The following NPAS3 variants were observed in gnomAD, a reference collection of about 807,000 sequenced individuals.
The protein encoded by NPAS3 is neuronal PAS domain-containing protein 3.
In NPAS3, 14 loss-of-function variants were observed where a neutral mutation model predicts 73.1. The ratio of observed to expected loss-of-function variants is 0.19; its 90% CI spans 0.13 to 0.30. NPAS3 has a LOEUF of 0.30. NPAS3 is among the 10% of genes least tolerant of loss of function. The pLI, the probability that NPAS3 is intolerant of heterozygous loss-of-function variation, is 1.00. For missense variants in NPAS3, 1,096 were observed against 1,250.0 expected (o/e 0.88, Z 1.86); for synonymous variants, 620 against 541.5 (o/e 1.14, Z -2.01).
chr14:33,246,888 C>T (rs1376036547), intron 3 of NPAS3, among the ~76,000 whole-genome samples: 3 of 138,514 alleles, frequency 2.2e-5, no homozygotes, highest in African/African-American at 5.5e-5. Flanking sequence ...GTGGTGGGTG[C>T]CTGTAATCCC....
intron 6 of NPAS3, among the ~76,000 whole-genome samples, chr14:33,679,749 G>C (rs533797219): frequency 3.9e-5 from 6 of 152,180 alleles, no homozygotes; most frequent in Non-Finnish European, 8.8e-5. Context: ...CTAAGAGGCA[G>C]TGATACTATG....
intron 4 of NPAS3, among the ~76,000 whole-genome samples, chr14:33,411,532 G>A (rs1272541132): frequency 6.6e-6 from 1 of 152,092 alleles, no homozygotes; most frequent in African/African-American, 2.4e-5. Flanking sequence ...GGAATCTAGG[G>A]GATAGAAGCC....
intron 4 of NPAS3, among the ~76,000 whole-genome samples, chr14:33,410,886 T>G (rs2047892493): frequency 6.6e-6 from 1 of 152,170 alleles, no homozygotes; most frequent in African/African-American, 2.4e-5. Context: ...CCTCAGGTGA[T>G]CCACCCACCT....
At chr14:33,110,295 CA>C (rs756861116) in intron 2 of NPAS3, among the ~76,000 whole-genome samples, 11 of 152,086 alleles carry the variant, frequency 7.2e-5, no homozygotes, top group African/African-American at 9.7e-5. Context: ...ATTTAATATG[CA>C]ATGAGTAACC....
intron 4 of NPAS3, among the ~76,000 whole-genome samples, chr14:33,481,857 G>T (rs1594994113): frequency 6.6e-6 from 1 of 152,108 alleles, no homozygotes; most frequent in South Asian, 2.1e-4. Context: ...TGTTTGTTTT[G>T]TATCCCCATG....
chr14:33,524,745 G>C (rs902333566), intron 4 of NPAS3, among the ~76,000 whole-genome samples: 3 of 152,120 alleles, frequency 2.0e-5, no homozygotes, highest in African/African-American at 7.2e-5. Context: ...TGAGGGATGT[G>C]AGGGAGGCTC....
At chr14:33,247,974 A>G (rs1035478500) in intron 3 of NPAS3, among the ~76,000 whole-genome samples, 4 of 152,190 alleles carry the variant, frequency 2.6e-5, no homozygotes, top group Admixed American at 2.6e-4. Flanking sequence ...TTCTATTTTC[A>G]CGGTATAGTT....
intron 3 of NPAS3, among the ~76,000 whole-genome samples, chr14:33,348,187 A>G (rs1594746460): frequency 6.6e-6 from 1 of 152,170 alleles, no homozygotes; most frequent in East Asian, 1.9e-4. Flanking sequence ...CCCATATCCC[A>G]TGGTTGCTAA....
At chr14:33,398,804 T>C (rs2047329802) in intron 4 of NPAS3, among the ~76,000 whole-genome samples, 1 of 152,156 alleles carries the variant, frequency 6.6e-6, no homozygotes, top group South Asian at 2.1e-4. Flanking sequence ...TTTGAAGAGA[T>C]TAAGTTGGTT....
chr14:33,484,604 A>G (rs971543911), intron 4 of NPAS3, among the ~76,000 whole-genome samples: 3 of 152,224 alleles, frequency 2.0e-5, no homozygotes, highest in Non-Finnish European at 2.9e-5. Flanking sequence ...GATAAATAGT[A>G]CATGCTTAGA....
At chr14:33,080,776 G>A (rs2041840560) in intron 2 of NPAS3, among the ~76,000 whole-genome samples, 1 of 152,190 alleles carries the variant, frequency 6.6e-6, no homozygotes, top group Non-Finnish European at 1.5e-5. Flanking sequence ...AAGCGTGTAA[G>A]AGCTGAAAGA....
Position 33,407,659 on chromosome 14 carries a change from A to G in NPAS3, c.468+40391A>G, listed in dbSNP as rs138297596. Among the ~76,000 whole-genome samples, 900 of 152,104 alleles carry G rather than the reference A, an allele frequency of 5.9e-3. 4 individuals are homozygous for G. Among genetic ancestry groups the G allele is most frequent in the African/African-American group, 0.021 (857 of 41,504 alleles). ...AATTACTGCTTACTCCTTTCTTAGA[A>G]ATTTCGGTGCCTTTATTTTTCTCCG... On this transcript the variant is annotated intron_variant, in intron 4 of 11. Coordinates refer to ENST00000356141, the Ensembl canonical transcript of NPAS3.
chr14:33,552,625 G>T (rs577016899), intron 4 of NPAS3, among the ~76,000 whole-genome samples: 3 of 150,736 alleles, frequency 2.0e-5, no homozygotes, highest in Non-Finnish European at 4.4e-5. Flanking sequence ...GTCTATATTC[G>T]ACAGGATGTA....
chr14:33,373,928 T>C (rs2046206582), intron 4 of NPAS3, among the ~76,000 whole-genome samples: 1 of 152,142 alleles, frequency 6.6e-6, no homozygotes, highest in Admixed American at 6.5e-5. Flanking sequence ...GGTTGTATGA[T>C]TGCCTGGTCT....
chr14:33,207,521 C>A (rs1594395114), intron 2 of NPAS3, among the ~76,000 whole-genome samples: 1 of 152,124 alleles, frequency 6.6e-6, no homozygotes. Flanking sequence ...TCAGGACATT[C>A]ATTTATCCTC....
chr14:33,785,421 T>G lies in NPAS3; in HGVS notation c.1153+6849T>G, dbSNP rs186878215. ...CTGCACTCCAGCCTGGGTGACAGAG[T>G]GAGACTCCATCTCAAAAAAAAAAAA... On this transcript the variant is annotated intron_variant, in intron 9 of 11. Transcript: ENST00000356141. Among the ~76,000 whole-genome samples, 693 of 121,744 alleles carry G rather than the reference T, an allele frequency of 5.7e-3. 6 individuals carry two copies. Among genetic ancestry groups the G allele is most frequent in the African/African-American group, 0.021 (624 of 30,012 alleles). The allele number at this position is 121,744 out of a possible 152,430, so 79.9% of individuals were successfully genotyped here. A position where few individuals can be genotyped will look rare whatever the true frequency, so the allele number is the denominator to read the frequency against.
chr14:33,277,399 G>A (rs1156556271), intron 3 of NPAS3, among the ~76,000 whole-genome samples: 1 of 152,134 alleles, frequency 6.6e-6, no homozygotes, highest in African/African-American at 2.4e-5. Context: ...AGTGCCTGCT[G>A]TATGCTGGGT....
intron 4 of NPAS3, among the ~76,000 whole-genome samples, chr14:33,387,327 G>T (rs10144775): frequency 0.22 from 32,794 of 151,982 alleles, 3,835 homozygotes; most frequent in South Asian, 0.31. Context: ...CTGGGCCCTA[G>T]TGAAGAAAAA....
intron 4 of NPAS3, among the ~76,000 whole-genome samples, chr14:33,469,650 C>G (rs1338185737): frequency 6.6e-6 from 1 of 152,080 alleles, no homozygotes; most frequent in Non-Finnish European, 1.5e-5. Flanking sequence ...CGCCAGTTAC[C>G]TAGGCTGAGA....
Sources: allele counts gnomAD v4.1 joint callset (sites outside exome capture counted in the v4.1 genomes callset), GRCh38; gene constraint gnomAD v4.1.1; transcripts MANE v1.5; gene names NCBI Gene and HGNC (gene_info 2026-07-23, HGNC 2026-07-21).